Variants in FOXP2 observed in about 807,000 individuals in gnomAD.
FOXP2 encodes the protein forkhead box P2.
FOXP2 carries 12 observed loss-of-function variants against 115.8 expected under a neutral mutation model. That is an observed-to-expected ratio of 0.10 (90% CI 0.07 to 0.17). The LOEUF (loss-of-function observed/expected upper bound fraction) is 0.17, where lower values mean the gene tolerates loss of function less well. Ranked by LOEUF, FOXP2 falls within the 10% of genes least tolerant of loss-of-function variation. FOXP2 has a pLI of 1.00. For synonymous variants in FOXP2, 328 were observed against 297.7 expected (o/e 1.10, Z -1.05); for missense variants, 629 against 843.5 (o/e 0.75, Z 3.15).
chr7:114,133,810 G>A (rs974249153), intron 1 of FOXP2, among the ~76,000 whole-genome samples: 21 of 152,102 alleles, frequency 1.4e-4, no homozygotes, highest in Admixed American at 7.2e-4. Context: ...ACATCCTTCA[G>A]GTCTTCCTCT....
chr7:114,334,381 TA>T (rs5886700), intron 2 of FOXP2, among the ~76,000 whole-genome samples: 79,822 of 146,128 alleles, frequency 0.55, 22,612 homozygotes, highest in East Asian at 0.83. Context: ...ACTTCTGAGC[TA>T]AAAAAAAAAA....
intron 2 of FOXP2, among the ~76,000 whole-genome samples, chr7:114,524,547 C>T (rs534605061): frequency 2.6e-4 from 40 of 152,130 alleles, no homozygotes; most frequent in African/African-American, 8.7e-4. Context: ...TATGCCACTC[C>T]AAGGCTCTGG....
At chr7:114,378,835 T>G (rs947542841) in intron 2 of FOXP2, among the ~76,000 whole-genome samples, 1 of 150,718 alleles carries the variant, frequency 6.6e-6, no homozygotes, top group African/African-American at 2.4e-5. Context: ...GCTTTTTTTT[T>G]TTTTCCAAAT....
intron 2 of FOXP2, among the ~76,000 whole-genome samples, chr7:114,306,622 G>T (rs1797019048): frequency 6.6e-6 from 1 of 152,084 alleles, no homozygotes; most frequent in Non-Finnish European, 1.5e-5. Flanking sequence ...TCTTATGGCT[G>T]CTCTAATAAA....
At chr7:114,627,573 C>T (rs908066300) in intron 3 of FOXP2, among the ~76,000 whole-genome samples, 8 of 151,970 alleles carry the variant, frequency 5.3e-5, no homozygotes, top group Non-Finnish European at 5.9e-5. Context: ...TCTTCACATC[C>T]GTTCTGTCTT....
intron 2 of FOXP2, among the ~76,000 whole-genome samples, chr7:114,388,096 G>T (rs1175282028): frequency 6.6e-6 from 1 of 152,140 alleles, no homozygotes; most frequent in African/African-American, 2.4e-5. Flanking sequence ...ACCAACACTT[G>T]CAAAGGTTTA....
intron 3 of FOXP2, among the ~76,000 whole-genome samples, chr7:114,540,439 A>G (rs1002583936): frequency 6.6e-6 from 1 of 152,016 alleles, no homozygotes; most frequent in African/African-American, 2.4e-5. Context: ...GAGTGGAGCA[A>G]AGGAGATTTG....
At chr7:114,662,464 T>C (rs1054855492) in intron 14 of FOXP2, among the ~76,000 whole-genome samples, 7 of 152,114 alleles carry the variant, frequency 4.6e-5, no homozygotes, top group African/African-American at 1.7e-4. Flanking sequence ...TGGAACATGC[T>C]TTCTAGAGAG....
chr7:114,649,266 G>A (rs940694893), intron 8 of FOXP2, among the ~76,000 whole-genome samples: 5 of 152,058 alleles, frequency 3.3e-5, no homozygotes, highest in African/African-American at 1.2e-4. Context: ...TTTTGAAGCA[G>A]CCGTAATTTA....
chr7:114,458,551 T>C lies in FOXP2; in HGVS notation c.168+31872T>C, dbSNP rs559653593. Among the ~76,000 whole-genome samples the C allele has an allele frequency of 1.1e-4, 16 of 146,038 alleles. No individual in the cohort carries two copies. In the South Asian group the frequency reaches 1.1e-3, roughly 10 times the overall value. On this transcript the variant is annotated intron_variant, in intron 2 of 16. Transcript: ENST00000350908. ...TAACTATGATATTTTCTTTTCTTTT[T>C]TTTTTTTTTTTTTTGAGACAGGATC...
intron 1 of FOXP2, among the ~76,000 whole-genome samples, chr7:114,096,090 T>C (rs1350307348): frequency 6.6e-6 from 1 of 152,172 alleles, no homozygotes; most frequent in Non-Finnish European, 1.5e-5. Flanking sequence ...ACGTGACATA[T>C]ACATCATGCA....
chr7:114,203,160 A>G (rs1481263523), intron 1 of FOXP2, among the ~76,000 whole-genome samples: 1 of 152,158 alleles, frequency 6.6e-6, no homozygotes, highest in Non-Finnish European at 1.5e-5. Flanking sequence ...TTTCTTAATT[A>G]TTTTTGTTTT....
chr7:114,234,642 G>T (rs928866525), intron 1 of FOXP2, among the ~76,000 whole-genome samples: 4 of 152,142 alleles, frequency 2.6e-5, no homozygotes, highest in East Asian at 3.8e-4. Context: ...AACAGCCAAG[G>T]CTCTGAGTTG....
chr7:114,394,545 G>A lies in FOXP2; in HGVS notation c.-10-31957G>A, dbSNP rs142774780. ...ATTACAAAAGAGAAAAAAAGTAACT[G>A]CAGTGGAGAAGCCTGGCAGATATCA... is the stretch of plus-strand genomic sequence containing the variant. On this transcript the variant is annotated intron_variant, in intron 2 of 17. Coordinates refer to the FOXP2 transcript ENST00000634411. 6.1e-3 allele frequency among the ~76,000 whole-genome samples: 932 copies of A among 152,102 alleles called. 10 individuals are homozygous for A. Among genetic ancestry groups the A allele is most frequent in the African/African-American group, 0.022 (908 of 41,500 alleles).
rs181696860 is a variant in FOXP2 at position 114,274,567 on chromosome 7, G to A, written c.-101-13452G>A. 4.5e-4 allele frequency among the ~76,000 whole-genome samples: 60 copies of A among 132,934 alleles called. 1 individual carries two copies. The highest frequency in any genetic ancestry group is 5.0e-3 in the Middle Eastern group (1 of 202). The allele number at this position is 132,934 out of a possible 152,430, so 87.2% of individuals were successfully genotyped here. ...CACTTTTGAAGGATAGTTTCACAGG[G>A]TATGGAATTCTGGATTGGTTTTTTC... On this transcript the variant is annotated intron_variant, in intron 1 of 17. Coordinates refer to the FOXP2 transcript ENST00000634411.
intron 1 of FOXP2, among the ~76,000 whole-genome samples, chr7:114,275,086 TTTTTTC>T (rs1371410080): frequency 6.6e-6 from 1 of 152,086 alleles, no homozygotes; most frequent in African/African-American, 2.4e-5. Context: ...TCAGGACTTT[TTTTTTC>T]TTTTTCTTTG....
intron 1 of FOXP2, among the ~76,000 whole-genome samples, chr7:114,270,201 A>G (rs1354034357): frequency 2.0e-5 from 3 of 152,148 alleles, no homozygotes; most frequent in African/African-American, 7.2e-5. Flanking sequence ...TATATTTTGC[A>G]GTTTATTTAT....
chr7:114,663,286 G>T (rs1184123365), intron 14 of FOXP2, among the ~76,000 whole-genome samples, 164 bp from the exon 15 acceptor site: 1 of 151,852 alleles, frequency 6.6e-6, no homozygotes, highest in Non-Finnish European at 1.5e-5. Flanking sequence ...TTATGTAAAG[G>T]GTTATATATT....
intron 2 of FOXP2, among the ~76,000 whole-genome samples, chr7:114,461,452 T>A (rs7778738): frequency 3.3e-4 from 51 of 152,288 alleles, no homozygotes; most frequent in African/African-American, 1.2e-3. Context: ...TCCTGCTATA[T>A]GTGTTATTTT....
Sources: allele counts gnomAD v4.1 joint callset (sites outside exome capture counted in the v4.1 genomes callset), GRCh38; gene constraint gnomAD v4.1.1; transcripts MANE v1.5; gene names NCBI Gene and HGNC (gene_info 2026-07-23, HGNC 2026-07-21).